Variants in SF1 observed in about 807,000 individuals in gnomAD.
SF1 encodes the protein splicing factor 1.
Under a neutral mutation model 62.5 loss-of-function variants are expected in SF1, and 7 were observed. The ratio of observed to expected loss-of-function variants is 0.11; its 90% CI spans 0.06 to 0.21. The LOEUF (loss-of-function observed/expected upper bound fraction) is 0.21. SF1 is among the 10% of genes least tolerant of loss of function. SF1 has a pLI of 1.00. For synonymous variants in SF1, 394 were observed against 323.6 expected, an observed-to-expected ratio of 1.22 and a Z score of -2.33; for missense variants, 578 against 884.0, an observed-to-expected ratio of 0.65 and a Z score of 4.39.
intron 8 of SF1, 134 bp from the exon 9 acceptor site, chr11:64,768,420 C>T: frequency 1.3e-6 from 1 of 789,912 alleles, no homozygotes; most frequent in Non-Finnish European, 2.1e-6. Context: ...TTTCTAACCC[C>T]TTACTGGGCA....
At chr11:64,770,824 T>A (rs1054590506) in intron 3 of SF1, among the ~76,000 whole-genome samples, 2 of 152,180 alleles carry the variant, frequency 1.3e-5, no homozygotes, top group Non-Finnish European at 2.9e-5. Flanking sequence ...AAAGGTTAAC[T>A]CTTGGAGAGC....
chr11:64,775,147 G>GTC (rs1379804333), intron 2 of SF1, among the ~76,000 whole-genome samples: 4 of 152,108 alleles, frequency 2.6e-5, no homozygotes, highest in Non-Finnish European at 4.4e-5. Context: ...GAGAAGGTGA[G>GTC]TCTTCCTAGC....
In SF1 at chr11:64,765,489, C is replaced by T. The variant is rs370538328; in HGVS notation, c.*329G>A. 3.1e-6 allele frequency: 5 copies of T among 1,612,762 alleles called. No homozygotes were observed. The highest frequency in any genetic ancestry group is 1.1e-5 in the South Asian group (1 of 90,966). Reference sequence around the variant, plus strand: ...GCGCGGAAAGTCCTCACTCTCATGGCTCGGGCCATCGCCGCCGCGGGGAGG... The same window carrying T: ...GCGCGGAAAGTCCTCACTCTCATGGTTCGGGCCATCGCCGCCGCGGGGAGG... On this transcript the variant is annotated 3_prime_UTR_variant, in exon 13 of 13. Transcript: ENST00000377390.
At chr11:64,777,911 T>TCGCCGCCGC (rs962106696) in intron 1 of SF1, 3 of 955,098 alleles carry the variant, frequency 3.1e-6, no homozygotes, top group South Asian at 4.7e-5. Context: ...GCAGCCGCCG[T>TCGCCGCCGC]CGCCGCCGCC....
chr11:64,766,004 C>T lies in SF1; in HGVS notation c.1734G>A (p.Pro578=), dbSNP rs771113225. ...PLPPGVQPPL[P]PGAPPPPPPP... is the part of the protein sequence containing the mutation. ...GCGGCGGAGGGGGAGGGGCCCCAGG[C>T]GGCAGAGGCGGCTGGACCCCGGGGG... Residue 578 remains proline, a synonymous_variant, in exon 13 of 13, where the codon CCG becomes CCA. Transcript: ENST00000377390. The T allele has an allele frequency of 7.5e-6, 12 of 1,596,964 alleles. No homozygotes were observed. Among genetic ancestry groups the T allele is most frequent in the Admixed American group, 1.7e-5 (1 of 58,924 alleles).
rs1308778488 is a variant in SF1 at position 64,778,498 on chromosome 11, G to A, written c.-106C>T. 16 of 1,193,376 alleles carry A rather than the reference G, an allele frequency of 1.3e-5. No individual in the cohort carries two copies. Among genetic ancestry groups the A allele is most frequent in the East Asian group, 3.5e-5 (1 of 28,660 alleles). The allele number at this position is 1,193,376 out of a possible 1,614,324, so 73.9% of individuals were successfully genotyped here. ...CCCGAATGCGCTGCCGGAGCGCGCG[G>A]AGCCCGTCCTCTCACGCGGCGGGCG... On this transcript the variant is annotated 5_prime_UTR_variant, in exon 1 of 13. Coordinates refer to ENST00000377390, the MANE Select transcript of SF1 (RefSeq NM_004630.4).
chr11:64,773,158 A>T, intron 3 of SF1: 1 of 1,270,696 alleles, frequency 7.9e-7, no homozygotes, highest in Non-Finnish European at 9.9e-7. Context: ...AGGGTGGGTA[A>T]ATCAGGTTAA....
intron 3 of SF1, chr11:64,771,538 C>G: frequency 1.0e-6 from 1 of 985,392 alleles, no homozygotes. Flanking sequence ...TGTCTTCAGC[C>G]TAAAGGGAAC....
At chr11:64,777,144 T>C (rs1315304199) in intron 1 of SF1, among the ~76,000 whole-genome samples, 1 of 152,200 alleles carries the variant, frequency 6.6e-6, no homozygotes, top group Non-Finnish European at 1.5e-5. Context: ...AAGATCACCT[T>C]TGTCTTCATA....
Position 64,778,453 on chromosome 11 carries a change from A to G in SF1, c.-61T>C. ...CCTCTGCGGCGGCTTCTCCTTCGCA[A>G]GCCTCCCGGGGGGAGGGGACCCGAA... On this transcript the variant is annotated 5_prime_UTR_variant, in exon 1 of 13. Coordinates refer to ENST00000377390, the MANE Select transcript of SF1 (RefSeq NM_004630.4). 2 of 1,211,042 alleles carry G rather than the reference A, an allele frequency of 1.7e-6. No individual in the cohort carries two copies. The highest frequency in any genetic ancestry group is 2.1e-6 in the Non-Finnish European group (2 of 973,642). 75.0% of individuals were successfully genotyped at this position (1,211,042 alleles called of 1,614,324 possible). A position where few individuals can be genotyped will look rare whatever the true frequency, so the allele number is the denominator to read the frequency against.
intron 3 of SF1, chr11:64,772,512 A>AC (rs1938490173): frequency 1.0e-6 from 1 of 984,938 alleles, no homozygotes; most frequent in African/African-American, 1.7e-5. Flanking sequence ...TAAAGCCATT[A>AC]CATCATCTTC....
Position 64,768,300 on chromosome 11 carries a change from G to C in SF1, c.888-14C>G. On this transcript the variant is annotated splice_polypyrimidine_tract_variant and intron_variant, in intron 8 of 12. Coordinates refer to ENST00000377390, the MANE Select transcript of SF1 (RefSeq NM_004630.4). Reference sequence around the variant, plus strand: ...GGATCACCAGGCCTGAAGTGGGGTGGGGGACACAAACAGAGAAAGGGGAAA... The same window carrying C: ...GGATCACCAGGCCTGAAGTGGGGTGCGGGACACAAACAGAGAAAGGGGAAA... 1 of 1,610,660 alleles carries C rather than the reference G, an allele frequency of 6.2e-7. No individual in the cohort carries two copies. Among genetic ancestry groups the C allele is most frequent in the Non-Finnish European group, 8.5e-7 (1 of 1,178,824 alleles).
chr11:64,765,720 C>T lies in SF1; in HGVS notation c.*98G>A, dbSNP rs2058601840. 6.2e-6 allele frequency: 9 copies of T among 1,463,094 alleles called. No individual in the cohort carries two copies. The highest frequency in any genetic ancestry group is 2.9e-5 in the South Asian group (2 of 69,060). 90.6% of individuals were successfully genotyped at this position (1,463,094 alleles called of 1,614,324 possible). ...ACATGCGTGCACACACAATCACATG[C>T]GTGCGTCCCAATGTCTGGCTCCATA... is the stretch of plus-strand genomic sequence containing the variant. On this transcript the variant is annotated 3_prime_UTR_variant, in exon 13 of 13. Coordinates refer to ENST00000377390, the MANE Select transcript of SF1 (RefSeq NM_004630.4).
intron 8 of SF1, 99 bp from the exon 9 acceptor site, chr11:64,768,385 T>C (rs1001627542): frequency 1.9e-6 from 2 of 1,065,308 alleles, no homozygotes; most frequent in Non-Finnish European, 1.4e-6. Flanking sequence ...TTCTGAAGAA[T>C]TCAATCACCA....
intron 3 of SF1, chr11:64,772,035 A>G: frequency 1.0e-6 from 1 of 985,400 alleles, no homozygotes; most frequent in Non-Finnish European, 1.2e-6. Context: ...TCTTACCAGC[A>G]CCCAATTGGC....
At chr11:64,772,336 A>T in intron 3 of SF1, 4 of 984,576 alleles carry the variant, frequency 4.1e-6, no homozygotes, top group East Asian at 1.1e-4. Flanking sequence ...AAAAAAAAAA[A>T]ATCTTCAAAA....
chr11:64,772,450 G>A (rs903139257), intron 3 of SF1: 3 of 985,282 alleles, frequency 3.0e-6, no homozygotes, highest in Non-Finnish European at 3.6e-6. Context: ...AAACAAGGAA[G>A]TTAATGTTTC....
intron 1 of SF1, among the ~76,000 whole-genome samples, chr11:64,776,919 G>A (rs948105962): frequency 2.0e-5 from 3 of 152,230 alleles, no homozygotes; most frequent in East Asian, 1.9e-4. Context: ...TGGCTGCAGA[G>A]AGTGTTAGAT....
chr11:64,769,707 G>A (rs1592476570), intron 5 of SF1, 98 bp from the exon 6 acceptor site: 8 of 1,106,750 alleles, frequency 7.2e-6, no homozygotes, highest in Middle Eastern at 4.1e-4. Context: ...AACCACAAGC[G>A]CAGAGAATTG....
Sources: allele counts gnomAD v4.1 joint callset (sites outside exome capture counted in the v4.1 genomes callset), GRCh38; gene constraint gnomAD v4.1.1; transcripts MANE v1.5; gene names NCBI Gene and HGNC (gene_info 2026-07-23, HGNC 2026-07-21).